The following TSNARE1 variants were observed in gnomAD, a reference collection of about 807,000 sequenced individuals.
TSNARE1 encodes t-SNARE domain containing 1.
TSNARE1 carries 49 observed loss-of-function variants against 62.0 expected under a neutral mutation model. That is an observed-to-expected ratio of 0.79 (90% confidence interval 0.63 to 1.00). The LOEUF is 1.00. Ranked by LOEUF, TSNARE1 falls within the 50% of genes least tolerant of loss-of-function variation. The pLI is 0.00. For missense variants in TSNARE1, 755 were observed against 700.1 expected, an observed-to-expected ratio of 1.08 and a Z score of -0.88; for synonymous variants, 328 against 294.4, an observed-to-expected ratio of 1.11 and a Z score of -1.17.
At chr8:142,377,060 C>T (rs1451768027) in intron 1 of TSNARE1, among the ~76,000 whole-genome samples, 2 of 152,246 alleles carry the variant, frequency 1.3e-5, no homozygotes, top group Admixed American at 6.5e-5. Context: ...CACCTCCCCC[C>T]GTCAACGGGG....
At chr8:142,280,349 AG>A in intron 11 of TSNARE1, 3 of 984,444 alleles carry the variant, frequency 3.0e-6, no homozygotes, top group Non-Finnish European at 3.6e-6. Flanking sequence ...GAGGCTGAGC[AG>A]GGGGCAGAGA....
intron 10 of TSNARE1, among the ~76,000 whole-genome samples, chr8:142,294,830 G>C (rs902612988): frequency 6.6e-6 from 1 of 152,222 alleles, no homozygotes; most frequent in Admixed American, 6.5e-5. Context: ...GCCAGGGCTC[G>C]CACTGCTGCT....
intron 1 of TSNARE1, among the ~76,000 whole-genome samples, chr8:142,361,659 A>C (rs1835173909): frequency 6.6e-6 from 1 of 152,296 alleles, no homozygotes; most frequent in East Asian, 1.9e-4. Context: ...GGTGGAGCTG[A>C]ACTCACTCCC....
chr8:142,246,116 G>C (rs1380053805), intron 12 of TSNARE1, among the ~76,000 whole-genome samples: 2 of 152,176 alleles, frequency 1.3e-5, no homozygotes, highest in East Asian at 3.9e-4. Flanking sequence ...CGGTTCCACA[G>C]CCCCCGTCCC....
At chr8:142,365,345 C>T (rs1183746434) in intron 1 of TSNARE1, among the ~76,000 whole-genome samples, 1 of 152,212 alleles carries the variant, frequency 6.6e-6, no homozygotes, top group Non-Finnish European at 1.5e-5. Context: ...GAGACAATCA[C>T]TAAAACCAAC....
chr8:142,279,060 G>A (rs528154033), intron 11 of TSNARE1, among the ~76,000 whole-genome samples: 2 of 152,352 alleles, frequency 1.3e-5, no homozygotes, highest in South Asian at 2.1e-4. Flanking sequence ...GTAGCTGTAC[G>A]CTGGGGCTCT....
At chr8:142,237,733 C>T (rs1817502582) in intron 12 of TSNARE1, among the ~76,000 whole-genome samples, 1 of 152,270 alleles carries the variant, frequency 6.6e-6, no homozygotes, top group East Asian at 1.9e-4. Flanking sequence ...TGGAGTCATG[C>T]GGTCCCACCA....
intron 1 of TSNARE1, among the ~76,000 whole-genome samples, chr8:142,355,633 G>C (rs550809776): frequency 6.6e-6 from 1 of 152,292 alleles, no homozygotes; most frequent in East Asian, 1.9e-4. Flanking sequence ...GTCCCTGTGC[G>C]GGCAGCTTCT....
rs535694991 is a variant in TSNARE1 at position 142,283,387 on chromosome 8, A to G, written c.1363+1026T>C. 9.5e-3 allele frequency among the ~76,000 whole-genome samples: 1,402 copies of G among 148,214 alleles called. 52 individuals carry two copies. Among genetic ancestry groups the G allele is most frequent in the African/African-American group, 0.034 (1,322 of 39,236 alleles). On this transcript the variant is annotated intron_variant, in intron 11 of 13. Transcript: ENST00000524325. ...GTGGGGCCAGTGTCTGTCAATGAGC[A>G]GAGGCGGGGTTAGTGTCTATCAATG...
At chr8:142,369,652 C>A (rs1040572345) in intron 1 of TSNARE1, among the ~76,000 whole-genome samples, 1 of 152,052 alleles carries the variant, frequency 6.6e-6, no homozygotes, top group African/African-American at 2.4e-5. Flanking sequence ...AACAGGAGGT[C>A]GCAGGGAAAT....
Position 142,388,550 on chromosome 8 carries a change from CTTTTTTTTTT to C in TSNARE1, c.-40+14544_-40+14553del, listed in dbSNP as rs71313221. ...TCAGTAAGTTAGCAAAAAACAAAATCTTTTTTTTTTTTTTTTTTTTTTTTTGAGACAGAGT... is the reference window on the plus strand; with the variant it reads ...TCAGTAAGTTAGCAAAAAACAAAATCTTTTTTTTTTTTTTTGAGACAGAGT... On this transcript the variant is annotated intron_variant, in intron 1 of 13. Coordinates refer to ENST00000524325, the MANE Select transcript of TSNARE1 (RefSeq NM_145003.5). Among the ~76,000 whole-genome samples, 4 of 67,410 alleles carry C rather than the reference CTTTTTTTTTT, an allele frequency of 5.9e-5. No homozygotes were observed. The Admixed American group carries it at 7.2e-4, about 12-fold the overall frequency. The allele number at this position is 67,410 out of a possible 152,430, so 44.2% of individuals were successfully genotyped here.
rs1204598150 is a variant in TSNARE1 at position 142,221,736 on chromosome 8, TTCAC to T, written c.*11+7733_*11+7736del. On this transcript the variant is annotated intron_variant, in intron 13 of 13. Transcript: ENST00000524325. ...ACTCACTCACTCATTCACTCACTCA[TTCAC>T]TCACTCACTCACTCATTCACTCACT... 3.6e-4 allele frequency among the ~76,000 whole-genome samples: 10 copies of T among 27,618 alleles called. 2 individuals are homozygous for T. The highest frequency in any genetic ancestry group is 1.3e-3 in the African/African-American group (10 of 7,982). The allele number at this position is 27,618 out of a possible 152,430, so 18.1% of individuals were successfully genotyped here. A position where few individuals can be genotyped will look rare whatever the true frequency, so the allele number is the denominator to read the frequency against.
chr8:142,286,068 CCT>C (rs1822693889), intron 10 of TSNARE1, among the ~76,000 whole-genome samples: 5 of 152,338 alleles, frequency 3.3e-5, no homozygotes, highest in African/African-American at 1.2e-4. Context: ...CCACTCCTTC[CCT>C]GACTGCCACG....
intron 10 of TSNARE1, among the ~76,000 whole-genome samples, chr8:142,295,311 C>T (rs1282913876): frequency 1.3e-5 from 2 of 152,342 alleles, no homozygotes; most frequent in Non-Finnish European, 2.9e-5. Flanking sequence ...GCACTTGGGT[C>T]GGAGTCAGAC....
intron 4 of TSNARE1, among the ~76,000 whole-genome samples, chr8:142,332,431 G>T (rs1245969384): frequency 6.6e-6 from 1 of 152,116 alleles, no homozygotes; most frequent in Non-Finnish European, 1.5e-5. Context: ...ACTGCTGATG[G>T]GTACGGGGGT....
intron 10 of TSNARE1, among the ~76,000 whole-genome samples, chr8:142,286,252 G>A (rs756173335): frequency 5.3e-5 from 8 of 152,090 alleles, no homozygotes; most frequent in South Asian, 4.1e-4. Context: ...CAGGCCTGCC[G>A]TGACCCCTGC....
chr8:142,392,483 C>T (rs1837600978), intron 1 of TSNARE1, among the ~76,000 whole-genome samples: 1 of 152,220 alleles, frequency 6.6e-6, no homozygotes, highest in Non-Finnish European at 1.5e-5. Context: ...ACCAGCTCTC[C>T]ACACACACGT....
chr8:142,358,952 C>T (rs930213146), intron 1 of TSNARE1, among the ~76,000 whole-genome samples: 4 of 152,112 alleles, frequency 2.6e-5, no homozygotes, highest in African/African-American at 9.7e-5. Context: ...CCTGTGCCCA[C>T]ACCGGCACCC....
At chr8:142,222,908 C>CACT (rs1816478382) in intron 13 of TSNARE1, among the ~76,000 whole-genome samples, 3 of 145,114 alleles carry the variant, frequency 2.1e-5, no homozygotes, top group South Asian at 2.3e-4. Context: ...ACTTACTCAT[C>CACT]CACTCATTCA....
Sources: gnomAD v4.1 joint callset for allele counts (sites outside exome capture counted in the v4.1 genomes callset) on GRCh38, gnomAD v4.1.1 for gene constraint, MANE v1.5 for transcripts, NCBI Gene and HGNC (gene_info 2026-07-23, HGNC 2026-07-21) for gene names.